The following SAMD12 variants were observed in gnomAD, a reference collection of about 807,000 sequenced individuals.
SAMD12 encodes the protein sterile alpha motif domain-containing protein 12.
A neutral mutation model predicts 15.0 loss-of-function variants in SAMD12; 9 were observed. That is an observed-to-expected ratio of 0.60 (90% confidence interval 0.36 to 1.05). The LOEUF (loss-of-function observed/expected upper bound fraction) is 1.05. SAMD12 is among the 50% of genes least tolerant of loss of function. The pLI, the probability that SAMD12 is intolerant of heterozygous loss-of-function variation, is 0.01. For missense variants in SAMD12, 230 were observed against 234.2 expected, an observed-to-expected ratio of 0.98 and a Z score of 0.12; for synonymous variants, 86 against 90.1, an observed-to-expected ratio of 0.96 and a Z score of 0.25.
chr8:118,511,367 G>A lies in SAMD12; in HGVS notation c.192+69348C>T, dbSNP rs931946385. ...GATTTGACAAATCCACTTTTTTCAC[G>A]GTTTATGGTATTATTTTAGGCAACA... On this transcript the variant is annotated intron_variant, in intron 2 of 3. Transcript: ENST00000314727. 3.9e-5 allele frequency among the ~76,000 whole-genome samples: 6 copies of A among 152,060 alleles called. 1 individual carries two copies. The highest frequency in any genetic ancestry group is 2.6e-4 in the Admixed American group (4 of 15,286).
At chr8:118,205,156 C>T (rs1308854295) in intron 4 of SAMD12, among the ~76,000 whole-genome samples, 1 of 152,232 alleles carries the variant, frequency 6.6e-6, no homozygotes, top group Non-Finnish European at 1.5e-5. Flanking sequence ...CATCTCCTGC[C>T]TTTGGACTCA....
rs548792998 is a variant in SAMD12, at chr8:118,222,137, A to G, written c.434-24405T>C. Reference sequence around the variant, plus strand: ...TAAGACAGGTGGCAGGAGAAAAGACAGGAGGACCTCAAGTTTCTAGGGTGG... The same window carrying G: ...TAAGACAGGTGGCAGGAGAAAAGACGGGAGGACCTCAAGTTTCTAGGGTGG... On this transcript the variant is annotated intron_variant, in intron 4 of 4. Coordinates refer to the SAMD12 transcript ENST00000409003. Among the ~76,000 whole-genome samples, 37 of 152,316 alleles carry G rather than the reference A, an allele frequency of 2.4e-4. 1 individual carries two copies. The Middle Eastern group carries it at 0.01, about 42-fold the overall frequency.
At chr8:118,357,760 C>G (rs1392446506) in intron 4 of SAMD12, among the ~76,000 whole-genome samples, 4 of 152,202 alleles carry the variant, frequency 2.6e-5, no homozygotes, top group Non-Finnish European at 5.9e-5. Context: ...CTTTGAGGCT[C>G]CACAGGACCT....
intron 2 of SAMD12, among the ~76,000 whole-genome samples, chr8:118,553,751 C>T (rs930269212): frequency 3.3e-5 from 5 of 151,570 alleles, no homozygotes; most frequent in Admixed American, 6.6e-5. Flanking sequence ...AGGCAACCCA[C>T]AAAATGGGAG....
At chr8:118,261,748 C>G (rs11562787) in intron 4 of SAMD12, among the ~76,000 whole-genome samples, 3,086 of 151,782 alleles carry the variant, frequency 0.02, 169 homozygotes, top group East Asian at 0.17. Flanking sequence ...TATACTGGAA[C>G]CTTTTCAAAG....
intron 4 of SAMD12, among the ~76,000 whole-genome samples, chr8:118,312,559 T>G (rs1264162144): frequency 2.0e-5 from 3 of 152,198 alleles, no homozygotes; most frequent in Admixed American, 1.3e-4. Context: ...TCATTTGATA[T>G]GGGGTAGTCT....
At chr8:118,589,483 T>C (rs1465688367) in intron 1 of SAMD12, among the ~76,000 whole-genome samples, 4 of 152,242 alleles carry the variant, frequency 2.6e-5, no homozygotes. Context: ...CTACACTTGA[T>C]ACATAGACAA....
chr8:118,345,464 C>G (rs930983352), intron 4 of SAMD12, among the ~76,000 whole-genome samples: 3 of 152,120 alleles, frequency 2.0e-5, no homozygotes, highest in African/African-American at 2.4e-5. Context: ...ATGCACAGGT[C>G]TGGAAAGGTT....
chr8:118,273,131 A>G (rs557841657), intron 4 of SAMD12, among the ~76,000 whole-genome samples: 2 of 152,306 alleles, frequency 1.3e-5, no homozygotes, highest in African/African-American at 4.8e-5. Context: ...GGTGTAATTG[A>G]CTCACAGTTC....
intron 2 of SAMD12, among the ~76,000 whole-genome samples, chr8:118,577,542 A>G: frequency 6.6e-6 from 1 of 152,182 alleles, no homozygotes; most frequent in East Asian, 1.9e-4. Flanking sequence ...GGCAGGGCTC[A>G]AAGTGGCAGG....
At chr8:118,426,574 A>C (rs888173491) in intron 3 of SAMD12, among the ~76,000 whole-genome samples, 2 of 152,190 alleles carry the variant, frequency 1.3e-5, no homozygotes, top group Non-Finnish European at 2.9e-5. Flanking sequence ...CATAGTAAGA[A>C]TATTCCTTCT....
At chr8:118,171,220 T>C in the SAMD12 span, among the ~76,000 whole-genome samples, 4 of 152,222 alleles carry the variant, frequency 2.6e-5, no homozygotes, top group African/African-American at 7.2e-5. Flanking sequence ...CACACATTGC[T>C]GGTGGGAATG....
intron 1 of SAMD12, among the ~76,000 whole-genome samples, chr8:118,593,903 C>T (rs1392849727): frequency 2.0e-5 from 3 of 152,192 alleles, no homozygotes; most frequent in Non-Finnish European, 2.9e-5. Context: ...TAATAAACAG[C>T]CTTCATAACC....
At chr8:118,344,681 G>A (rs139372529) in intron 4 of SAMD12, among the ~76,000 whole-genome samples, 3 of 152,198 alleles carry the variant, frequency 2.0e-5, no homozygotes, top group Non-Finnish European at 2.9e-5. Context: ...GTCATAGCTC[G>A]ACTAGACAGT....
chr8:118,314,410 T>C (rs1483389320), intron 4 of SAMD12, among the ~76,000 whole-genome samples: 1 of 151,986 alleles, frequency 6.6e-6, no homozygotes, highest in African/African-American at 2.4e-5. Flanking sequence ...TTACAAGCAC[T>C]TGTGTGTGTG....
Position 118,246,572 on chromosome 8 carries a change from T to C in SAMD12, c.434-48840A>G, listed in dbSNP as rs117418870. On this transcript the variant is annotated intron_variant, in intron 4 of 4. Transcript: ENST00000409003. ...AACTTGCATTATCTCTTTTCACTTA[T>C]GTGTACTCATATATTCCAGTTTGAG... Among the ~76,000 whole-genome samples the C allele has an allele frequency of 5.8e-3, 879 of 152,264 alleles. 17 individuals are homozygous for C. The highest frequency in any genetic ancestry group is 0.04 in the Admixed American group (617 of 15,284).
At chr8:118,578,040 C>A (rs1411790946) in intron 2 of SAMD12, among the ~76,000 whole-genome samples, 8 of 152,096 alleles carry the variant, frequency 5.3e-5, no homozygotes, top group Non-Finnish European at 8.8e-5. Context: ...GAATCTGCTG[C>A]TCAAATTGTG....
intron 3 of SAMD12, among the ~76,000 whole-genome samples, chr8:118,439,018 C>T (rs1401135798): frequency 6.6e-6 from 1 of 152,136 alleles, no homozygotes; most frequent in Non-Finnish European, 1.5e-5. Flanking sequence ...CAGGCAAGGT[C>T]TGGAAAAGCC....
intron 2 of SAMD12, among the ~76,000 whole-genome samples, chr8:118,499,757 A>C (rs188194908): frequency 1.5e-3 from 234 of 152,310 alleles, no homozygotes; most frequent in Non-Finnish European, 3.0e-3. Context: ...CAAGATTACC[A>C]AGTTGAAGGC....
Sources: gnomAD v4.1 joint callset for allele counts (sites outside exome capture counted in the v4.1 genomes callset) on GRCh38, gnomAD v4.1.1 for gene constraint, MANE v1.5 for transcripts, NCBI Gene and HGNC (gene_info 2026-07-23, HGNC 2026-07-21) for gene names.